The following ZFAND3 variants were observed in gnomAD, a reference collection of about 807,000 sequenced individuals.
ZFAND3 encodes AN1-type zinc finger protein 3.
In ZFAND3, 10 loss-of-function variants were observed where a neutral mutation model predicts 29.6. The observed-to-expected ratio is 0.34, with a 90% CI of 0.21 to 0.57. The LOEUF is 0.57. ZFAND3 is among the 20% of genes least tolerant of loss of function. ZFAND3 has a pLI of 0.86. For missense variants in ZFAND3, 230 were observed against 304.5 expected (o/e 0.76, Z 1.82); for synonymous variants, 128 against 112.6 (o/e 1.14, Z -0.87).
intron 2 of ZFAND3, among the ~76,000 whole-genome samples, chr6:37,934,743 G>T (rs547491514): frequency 6.7e-6 from 1 of 149,062 alleles, no homozygotes; most frequent in East Asian, 2.0e-4. Context: ...GGAGGCTGAG[G>T]CAGGAGAATC....
intron 1 of ZFAND3, among the ~76,000 whole-genome samples, chr6:37,907,662 A>C (rs1460986101): frequency 1.3e-4 from 17 of 135,384 alleles, no homozygotes. Context: ...CTAGTTTTTG[A>C]CTATTATGCA....
chr6:38,144,172 A>AATTTTTTTTT (rs1562015579), intron 5 of ZFAND3, among the ~76,000 whole-genome samples: 1 of 32,670 alleles, frequency 3.1e-5, no homozygotes, highest in African/African-American at 1.6e-4. Flanking sequence ...GAAAAATGTG[A>AATTTTTTTTT]TATATATATA....
At chr6:37,885,837 G>T (rs1408004503) in intron 1 of ZFAND3, among the ~76,000 whole-genome samples, 1 of 151,992 alleles carries the variant, frequency 6.6e-6, no homozygotes, top group East Asian at 1.9e-4. Flanking sequence ...CCAACTCCTA[G>T]GCTCAAGTGA....
intron 4 of ZFAND3, among the ~76,000 whole-genome samples, chr6:38,106,677 T>C (rs1765216076): frequency 6.6e-6 from 1 of 151,304 alleles, no homozygotes; most frequent in African/African-American, 2.5e-5. Flanking sequence ...ATGGCGCTAG[T>C]TGTTTGTGTG....
intron 4 of ZFAND3, among the ~76,000 whole-genome samples, chr6:38,094,018 C>A (rs1432120008): frequency 6.6e-6 from 1 of 152,216 alleles, no homozygotes; most frequent in African/African-American, 2.4e-5. Context: ...AGGGTTATTT[C>A]TATCTAAGAG....
chr6:37,819,830 T>TGCCCCGC lies in ZFAND3; in HGVS notation c.-116_-115insGCCCCGC. 4 of 519,920 alleles carry TGCCCCGC rather than the reference T, an allele frequency of 7.7e-6. No homozygotes were observed. Among genetic ancestry groups the TGCCCCGC allele is most frequent in the Non-Finnish European group, 1.0e-5 (4 of 385,758 alleles). 32.2% of individuals were successfully genotyped at this position (519,920 alleles called of 1,614,324 possible). A position where few individuals can be genotyped will look rare whatever the true frequency, so the allele number is the denominator to read the frequency against. On this transcript the variant is annotated 5_prime_UTR_variant, in exon 1 of 6. Coordinates refer to ENST00000287218, the MANE Select transcript of ZFAND3 (RefSeq NM_021943.3). ...CGCGCCCGCCCGCGCGCCCGCTCCT[T>TGCCCCGC]CCCCCTCCCCCCGCCCCGAGCCCCC...
chr6:37,964,814 A>T (rs932084543), intron 2 of ZFAND3, among the ~76,000 whole-genome samples: 43 of 152,148 alleles, frequency 2.8e-4, no homozygotes, highest in Non-Finnish European at 5.7e-4. Context: ...GCTTAAGTTC[A>T]TATCATTTAC....
chr6:37,927,460 G>C (rs116256884), intron 1 of ZFAND3, among the ~76,000 whole-genome samples: 56 of 152,240 alleles, frequency 3.7e-4, no homozygotes, highest in Non-Finnish European at 7.1e-4. Context: ...GAGATGAGAG[G>C]GGAGGGGACA....
In ZFAND3 at chr6:38,154,516, T is replaced by C. The variant is rs1252899177; in HGVS notation, c.*2127T>C. The C allele has an allele frequency of 2.0e-6, 2 of 979,648 alleles. No individual in the cohort carries two copies. Among genetic ancestry groups the C allele is most frequent in the African/African-American group, 3.5e-5 (2 of 57,094 alleles). 60.7% of individuals were successfully genotyped at this position (979,648 alleles called of 1,614,324 possible). A position where few individuals can be genotyped will look rare whatever the true frequency, so the allele number is the denominator to read the frequency against. ...TGTGTTCTAGATTTACTTACACACA[T>C]AGCCTAGAGCTCAGTTTTAGTTTTA... On this transcript the variant is annotated 3_prime_UTR_variant, in exon 6 of 6. Transcript: ENST00000287218.
chr6:38,142,347 T>C (rs1326611790), intron 5 of ZFAND3: 1 of 471,182 alleles, frequency 2.1e-6, no homozygotes, highest in Admixed American at 2.3e-5. Flanking sequence ...TTGGATGAAC[T>C]GACTCTTGCC....
intron 2 of ZFAND3, among the ~76,000 whole-genome samples, chr6:38,043,489 CTCT>C (rs1763834585): frequency 6.8e-6 from 1 of 146,750 alleles, no homozygotes; most frequent in Non-Finnish European, 1.5e-5. Flanking sequence ...TTTAGCTTTT[CTCT>C]TTTCTTCCTC....
rs1182610378 is a variant in ZFAND3, at chr6:38,057,689, GCA to G, written c.113-3901_113-3900del. ...TCGTCACTCTAAAGCTCTTTGTATT[GCA>G]CAGACTTTGGCATGGAAGTTAGAAA... On this transcript the variant is annotated intron_variant, in intron 2 of 5. Coordinates refer to ENST00000287218, the MANE Select transcript of ZFAND3 (RefSeq NM_021943.3). 2.6e-5 allele frequency among the ~76,000 whole-genome samples: 4 copies of G among 152,268 alleles called. No homozygotes were observed. In the East Asian group the frequency reaches 7.7e-4, roughly 29 times the overall value.
At chr6:38,013,974 T>G (rs1455381060) in intron 2 of ZFAND3, among the ~76,000 whole-genome samples, 1 of 152,102 alleles carries the variant, frequency 6.6e-6, no homozygotes, top group Non-Finnish European at 1.5e-5. Context: ...ATGCAAGAGG[T>G]TTTGATGGCA....
intron 5 of ZFAND3, among the ~76,000 whole-genome samples, chr6:38,126,001 G>A (rs1765626960): frequency 1.3e-5 from 2 of 151,790 alleles, no homozygotes; most frequent in South Asian, 4.2e-4. Flanking sequence ...TAGTAGATTT[G>A]TGTAAGTTGT....
chr6:37,972,868 C>G (rs897035106), intron 2 of ZFAND3, among the ~76,000 whole-genome samples: 1 of 151,950 alleles, frequency 6.6e-6, no homozygotes, highest in Non-Finnish European at 1.5e-5. Flanking sequence ...GCTGTGAAGT[C>G]AATAATATAT....
chr6:37,901,371 G>A (rs1765315707), intron 1 of ZFAND3, among the ~76,000 whole-genome samples: 1 of 152,188 alleles, frequency 6.6e-6, no homozygotes. Context: ...GCCAGGTGTG[G>A]TGGCTCCCGC....
intron 4 of ZFAND3, among the ~76,000 whole-genome samples, chr6:38,106,500 A>G (rs1420847954): frequency 6.6e-6 from 1 of 152,230 alleles, no homozygotes; most frequent in Non-Finnish European, 1.5e-5. Flanking sequence ...TGTGGGGATG[A>G]CAGGTATGAG....
intron 1 of ZFAND3, among the ~76,000 whole-genome samples, chr6:37,894,353 TCTC>T (rs1315316737): frequency 2.0e-5 from 3 of 151,864 alleles, no homozygotes; most frequent in African/African-American, 7.3e-5. Context: ...TTGGTATAAT[TCTC>T]CTGCTCCTTG....
intron 2 of ZFAND3, among the ~76,000 whole-genome samples, chr6:38,015,025 G>A (rs1199369854): frequency 6.6e-6 from 1 of 152,184 alleles, no homozygotes; most frequent in Non-Finnish European, 1.5e-5. Context: ...ACTAAACCAA[G>A]ACTGGTAGAT....
Sources: gnomAD v4.1 joint callset for allele counts (sites outside exome capture counted in the v4.1 genomes callset) on GRCh38, gnomAD v4.1.1 for gene constraint, MANE v1.5 for transcripts, NCBI Gene and HGNC (gene_info 2026-07-23, HGNC 2026-07-21) for gene names.